Variants in SCHIP1 observed in about 807,000 individuals in gnomAD.
SCHIP1 encodes the protein schwannomin interacting protein 1, also known as schwannomin-interacting protein 1.
Under a neutral mutation model 29.7 loss-of-function variants are expected in SCHIP1, and 8 were observed. The ratio of observed to expected loss-of-function variants is 0.27; its 90% confidence interval spans 0.16 to 0.49. The LOEUF is 0.49. Among genes scored for constraint, SCHIP1 ranks in the 20% least tolerant of loss-of-function variants. SCHIP1 has a pLI of 0.99. For synonymous variants in SCHIP1, 76 were observed against 94.9 expected (o/e 0.80, Z 1.16); for missense variants, 193 against 294.6 (o/e 0.66, Z 2.52).
the SCHIP1 span, among the ~76,000 whole-genome samples, chr3:159,313,858 CT>C: frequency 6.6e-6 from 1 of 152,128 alleles, no homozygotes. Flanking sequence ...TTGAAGAATA[CT>C]ATCAGGTATT....
At chr3:159,857,404 T>C (rs1285397135) in intron 1 of SCHIP1, among the ~76,000 whole-genome samples, 2 of 152,184 alleles carry the variant, frequency 1.3e-5, no homozygotes, top group Non-Finnish European at 2.9e-5. Flanking sequence ...CTTCCAGCTC[T>C]CCTCATTTTC....
the SCHIP1 span, among the ~76,000 whole-genome samples, chr3:159,279,658 A>G: frequency 6.8e-6 from 1 of 147,764 alleles, no homozygotes. Context: ...ATTTTACTGC[A>G]GCCTTGACCA....
chr3:159,869,946 C>T (rs1715074315), intron 2 of SCHIP1, among the ~76,000 whole-genome samples: 2 of 151,754 alleles, frequency 1.3e-5, no homozygotes, highest in African/African-American at 4.8e-5. Context: ...AGACATATTA[C>T]ACATCTCTTG....
chr3:159,664,695 G>A, the SCHIP1 span, among the ~76,000 whole-genome samples: 1 of 152,170 alleles, frequency 6.6e-6, no homozygotes, highest in East Asian at 1.9e-4. Flanking sequence ...GGTAGAGAGA[G>A]CACCATGTAT....
At chr3:159,615,094 A>G in the SCHIP1 span, among the ~76,000 whole-genome samples, 10 of 152,188 alleles carry the variant, frequency 6.6e-5, no homozygotes, top group Non-Finnish European at 1.0e-4. Flanking sequence ...TCTCAAAAGA[A>G]AAGTTTCAAG....
chr3:159,710,185 C>T, the SCHIP1 span, among the ~76,000 whole-genome samples: 12 of 152,212 alleles, frequency 7.9e-5, no homozygotes, highest in South Asian at 2.5e-3. Flanking sequence ...ATAGAACCAA[C>T]CTAAGTGACC....
At chr3:159,671,049 C>T in the SCHIP1 span, among the ~76,000 whole-genome samples, 1 of 152,178 alleles carries the variant, frequency 6.6e-6, no homozygotes, top group Non-Finnish European at 1.5e-5. Flanking sequence ...TGTGCAGCTG[C>T]ACAGGTCACA....
the SCHIP1 span, among the ~76,000 whole-genome samples, chr3:159,427,776 A>G: frequency 1.4e-4 from 21 of 152,164 alleles, no homozygotes; most frequent in African/African-American, 4.8e-4. Context: ...GAGGCATCAC[A>G]CTACCTGACT....
the SCHIP1 span, among the ~76,000 whole-genome samples, chr3:159,718,364 G>A: frequency 6.6e-6 from 1 of 152,124 alleles, no homozygotes; most frequent in Non-Finnish European, 1.5e-5. Flanking sequence ...TCAACATAGT[G>A]TTGGAATTCC....
At chr3:159,725,826 G>A in the SCHIP1 span, among the ~76,000 whole-genome samples, 3 of 152,020 alleles carry the variant, frequency 2.0e-5, no homozygotes, top group Non-Finnish European at 4.4e-5. Context: ...GAAAACTAAG[G>A]TATAATTATA....
At chr3:159,369,819 GGATT>G in the SCHIP1 span, among the ~76,000 whole-genome samples, 2 of 152,016 alleles carry the variant, frequency 1.3e-5, no homozygotes, top group Non-Finnish European at 2.9e-5. Flanking sequence ...TAAAATAAGA[GGATT>G]GATTGCCCTC....
chr3:159,591,997 A>C, the SCHIP1 span, among the ~76,000 whole-genome samples: 3 of 140,842 alleles, frequency 2.1e-5, no homozygotes, highest in Admixed American at 1.3e-4. Context: ...CTCAAAAAAA[A>C]AAAAAGAAAG....
chr3:159,537,084 C>T, the SCHIP1 span, among the ~76,000 whole-genome samples: 1 of 152,064 alleles, frequency 6.6e-6, no homozygotes, highest in African/African-American at 2.4e-5. Flanking sequence ...ACCAGAATAC[C>T]ACTGCTCCTG....
At chr3:159,477,455 C>A in the SCHIP1 span, among the ~76,000 whole-genome samples, 1 of 152,132 alleles carries the variant, frequency 6.6e-6, no homozygotes, top group Non-Finnish European at 1.5e-5. Flanking sequence ...TGCTATCCTT[C>A]ATCTTTTTGA....
At chr3:159,828,365 A>ATATATATATATATACG in the SCHIP1 span, among the ~76,000 whole-genome samples, 1 of 121,514 alleles carries the variant, frequency 8.2e-6, no homozygotes. Context: ...TAACCTTTAT[A>ATATATATATATATACG]TATATATATA....
chr3:159,341,564 G>C, the SCHIP1 span, among the ~76,000 whole-genome samples: 1 of 152,136 alleles, frequency 6.6e-6, no homozygotes, highest in African/African-American at 2.4e-5. Context: ...TTCAGTAGTT[G>C]TTAAGTGTTG....
the SCHIP1 span, among the ~76,000 whole-genome samples, chr3:159,604,428 T>G: frequency 2.0e-5 from 3 of 152,180 alleles, no homozygotes; most frequent in African/African-American, 7.2e-5. Flanking sequence ...TGGTCACAAG[T>G]GGGCAAAGCA....
At chr3:159,628,441 C>T in the SCHIP1 span, among the ~76,000 whole-genome samples, 1 of 152,064 alleles carries the variant, frequency 6.6e-6, no homozygotes, top group Admixed American at 6.6e-5. Context: ...AGAAGAAAAA[C>T]AGAAAATGGA....
the SCHIP1 span, among the ~76,000 whole-genome samples, chr3:159,662,881 T>C: frequency 4.0e-4 from 61 of 152,334 alleles, no homozygotes; most frequent in Middle Eastern, 3.4e-3. Flanking sequence ...ATTTAATTTT[T>C]TAAAAAAGAT....
Sources: allele counts gnomAD v4.1 joint callset (sites outside exome capture counted in the v4.1 genomes callset), GRCh38; gene constraint gnomAD v4.1.1; transcripts MANE v1.5; gene names NCBI Gene and HGNC (gene_info 2026-07-23, HGNC 2026-07-21).